Variants in CERKL observed in about 807,000 individuals in gnomAD.
CERKL encodes CERK like autophagy regulator.
In CERKL, 61 loss-of-function variants were observed where a neutral mutation model predicts 63.4. That is an observed-to-expected ratio of 0.96 (90% CI 0.78 to 1.19). CERKL has a LOEUF of 1.19. Ranked by LOEUF, CERKL falls within the 50% of genes most tolerant of loss-of-function variation. The pLI is 0.00. For missense variants in CERKL, 675 were observed against 655.5 expected, an observed-to-expected ratio of 1.03 and a Z score of -0.33; for synonymous variants, 250 against 230.5, an observed-to-expected ratio of 1.08 and a Z score of -0.77.
chr2:181,548,743 T>C lies in CERKL; in HGVS notation c.1010A>G (p.Tyr337Cys). 1 of 1,614,054 alleles carries C rather than the reference T, an allele frequency of 6.2e-7. No individual in the cohort carries two copies. Among genetic ancestry groups the C allele is most frequent in the Non-Finnish European group, 8.5e-7 (1 of 1,179,954 alleles). Reference protein sequence around the residue: ...GGRTLALAEKYRWMSPNQRRD... With the variant: ...GGRTLALAEKCRWMSPNQRRD... ...CCGTTGGTTAGGGGACATCCATCGA[T>C]ATTTTTCTGCCAGAGCCAAAGTTCT... The change falls in exon 7 of 13, where the codon TAT becomes TGT. Residue 337 changes from tyrosine to cysteine, a missense_variant. Physicochemically the swap from Tyr to Cys is radical, Grantham distance 194. Transcript: ENST00000410087.
Position 181,537,117 on chromosome 2 carries a change from G to GTATT in CERKL, c.*1063_*1066dup. The GTATT allele has an allele frequency of 2.2e-6, 1 of 453,032 alleles. No homozygotes were observed. Among genetic ancestry groups the GTATT allele is most frequent in the Non-Finnish European group, 4.4e-6 (1 of 226,468 alleles). The allele number at this position is 453,032 out of a possible 1,614,324, so 28.1% of individuals were successfully genotyped here. ...CAGGAATAAACTTTATGACATTTAT[G>GTATT]TATTTTTAAAAAACTTTGTATCGTT... On this transcript the variant is annotated 3_prime_UTR_variant, in exon 13 of 13. Coordinates refer to ENST00000410087, the MANE Select transcript of CERKL (RefSeq NM_201548.5).
At chr2:181,544,147 A>T (rs1488687731) in intron 11 of CERKL, among the ~76,000 whole-genome samples, 2 of 152,182 alleles carry the variant, frequency 1.3e-5, no homozygotes, top group Non-Finnish European at 2.9e-5. Flanking sequence ...TATGGCTTGT[A>T]ATAGTTACTG....
intron 4 of CERKL, 71 bp downstream of exon 4, chr2:181,565,987 T>G (rs1448024224): frequency 9.8e-7 from 1 of 1,024,656 alleles, no homozygotes; most frequent in African/African-American, 1.6e-5. Context: ...GTTCCAAATA[T>G]GTAGCTAAAA....
At chr2:181,596,377 C>G (rs752987283) in intron 2 of CERKL, among the ~76,000 whole-genome samples, 1 of 152,120 alleles carries the variant, frequency 6.6e-6, no homozygotes, top group African/African-American at 2.4e-5. Context: ...GTGAGAAGCC[C>G]TAGGGAAGAC....
intron 1 of CERKL, among the ~76,000 whole-genome samples, chr2:181,620,682 G>A (rs1686411041): frequency 6.6e-6 from 1 of 152,170 alleles, no homozygotes; most frequent in African/African-American, 2.4e-5. Flanking sequence ...TCACCTAACA[G>A]CCTCTAGGAT....
At chr2:181,652,573 G>A (rs1363317521) in intron 1 of CERKL, among the ~76,000 whole-genome samples, 2 of 152,104 alleles carry the variant, frequency 1.3e-5, no homozygotes, top group Non-Finnish European at 2.9e-5. Flanking sequence ...ACACTGACCT[G>A]AGCAAGGATT....
Position 181,548,787 on chromosome 2 carries a change from G to A in CERKL, c.966C>T (p.Ala322=). The A allele has an allele frequency of 6.2e-7, 1 of 1,614,016 alleles. No individual in the cohort carries two copies. Among genetic ancestry groups the A allele is most frequent in the Non-Finnish European group, 8.5e-7 (1 of 1,179,956 alleles). Residue 322 remains alanine (A), a synonymous_variant, in exon 7 of 13, where the codon GCC becomes GCT. Transcript: ENST00000410087. ...AGKLLRFGFS[A]MFGFGGRTLA... ...AAGTTCTTCCACCAAAGCCAAACATGGCTGAGAACCCAAAGCGAAGAAGCT... is the reference window on the plus strand; with the variant it reads ...AAGTTCTTCCACCAAAGCCAAACATAGCTGAGAACCCAAAGCGAAGAAGCT...
At chr2:181,545,773 T>A (rs1215843898) in intron 10 of CERKL, among the ~76,000 whole-genome samples, 4 of 152,174 alleles carry the variant, frequency 2.6e-5, no homozygotes, top group Admixed American at 1.3e-4. Flanking sequence ...TTCATGGTAG[T>A]GTTACTGTGC....
chr2:181,614,231 G>C (rs1336503320), intron 1 of CERKL, among the ~76,000 whole-genome samples: 1 of 152,224 alleles, frequency 6.6e-6, no homozygotes, highest in East Asian at 1.9e-4. Context: ...AGTGAAGGTT[G>C]AAGGTTCAAG....
chr2:181,645,199 A>G (rs1687617791), intron 1 of CERKL, among the ~76,000 whole-genome samples: 1 of 152,336 alleles, frequency 6.6e-6, no homozygotes, highest in Non-Finnish European at 1.5e-5. Flanking sequence ...TTGATGTTTA[A>G]AAAGGGGGAG....
chr2:181,641,870 TC>T (rs1345185847), intron 1 of CERKL, among the ~76,000 whole-genome samples: 1 of 152,176 alleles, frequency 6.6e-6, no homozygotes, highest in Non-Finnish European at 1.5e-5. Context: ...TATAGTGCAC[TC>T]CCATCATTTC....
intron 2 of CERKL, among the ~76,000 whole-genome samples, chr2:181,581,234 T>C (rs550033202): frequency 6.6e-6 from 1 of 152,352 alleles, no homozygotes; most frequent in Non-Finnish European, 1.5e-5. Flanking sequence ...TGTTCCCATG[T>C]GAAAGTATTG....
At chr2:181,562,518 T>C (rs1370849264) in intron 4 of CERKL, among the ~76,000 whole-genome samples, 1 of 152,160 alleles carries the variant, frequency 6.6e-6, no homozygotes, top group African/African-American at 2.4e-5. Context: ...AGTCTAAATA[T>C]ACAAGAAAGG....
chr2:181,548,455 C>G, intron 8 of CERKL, 90 bp downstream of exon 8: 1 of 1,000,750 alleles, frequency 1.0e-6, no homozygotes, highest in Non-Finnish European at 1.5e-6. Context: ...AGAAAAATAA[C>G]CAAAGATCCT....
At chr2:181,587,669 T>C (rs1191871109) in intron 2 of CERKL, among the ~76,000 whole-genome samples, 1 of 152,100 alleles carries the variant, frequency 6.6e-6, no homozygotes, top group East Asian at 1.9e-4. Context: ...TTAAATACAA[T>C]TAACCTCATA....
intron 2 of CERKL, among the ~76,000 whole-genome samples, chr2:181,583,759 CAGAG>C (rs1484282760): frequency 1.3e-5 from 2 of 152,018 alleles, no homozygotes. Context: ...AAGTCAATGT[CAGAG>C]AGAATAAAAC....
chr2:181,544,346 T>C (rs1042414780), intron 11 of CERKL, among the ~76,000 whole-genome samples: 2 of 152,334 alleles, frequency 1.3e-5, no homozygotes, highest in South Asian at 2.1e-4. Context: ...GCTGCCATAA[T>C]ATCAAGAAGG....
At position 181,602,193 on chromosome 2, in the gene CERKL, T is replaced by C. The variant is rs184349618; in HGVS notation, c.481+1644A>G. Among the ~76,000 whole-genome samples, 467 of 152,314 alleles carry C rather than the reference T, an allele frequency of 3.1e-3. 5 individuals carry two copies. Among genetic ancestry groups the C allele is most frequent in the African/African-American group, 0.01 (420 of 41,574 alleles). Reference sequence around the variant, plus strand: ...CTCTTGGTTTTATGGCTGAGATATATTGAGGAAGTTGCCTCAGTGTAGCCC... The same window carrying C: ...CTCTTGGTTTTATGGCTGAGATATACTGAGGAAGTTGCCTCAGTGTAGCCC... On this transcript the variant is annotated intron_variant, in intron 2 of 12. Coordinates refer to ENST00000410087, the MANE Select transcript of CERKL (RefSeq NM_201548.5).
intron 1 of CERKL, among the ~76,000 whole-genome samples, chr2:181,626,821 G>C (rs1012992269): frequency 3.9e-5 from 6 of 152,226 alleles, no homozygotes; most frequent in Non-Finnish European, 7.3e-5. Context: ...ATTTTCAGCA[G>C]ACAACCAGTA....
Sources: allele counts gnomAD v4.1 joint callset (sites outside exome capture counted in the v4.1 genomes callset), GRCh38; gene constraint gnomAD v4.1.1; transcripts MANE v1.5; gene names NCBI Gene and HGNC (gene_info 2026-07-23, HGNC 2026-07-21).